The following TNFRSF9 variants were observed in gnomAD, a reference collection of about 807,000 sequenced individuals.
TNFRSF9 encodes the protein tumor necrosis factor receptor superfamily member 9.
TNFRSF9 carries 16 observed loss-of-function variants against 28.8 expected under a neutral mutation model. The observed-to-expected ratio is 0.55, with a 90% confidence interval of 0.38 to 0.84. The LOEUF is 0.84. Ranked by LOEUF, TNFRSF9 falls within the 40% of genes least tolerant of loss-of-function variation. TNFRSF9 has a pLI of 0.00. For synonymous variants in TNFRSF9, 131 were observed against 117.0 expected (o/e 1.12, Z -0.77); for missense variants, 303 against 315.0 (o/e 0.96, Z 0.29).
Position 7,938,765 on chromosome 1 carries a change from CT to C in TNFRSF9, c.163del (p.Ser55AlafsTer58). 1 of 1,613,762 alleles carries C rather than the reference CT, an allele frequency of 6.2e-7. No homozygotes were observed. ...GTCACAGGTCCTTTGTCCACCTGCG[CT>C]GGAGAAACTATTTGGAGGACAGGGA... Reference protein sequence around the residue: ...CSPCPPNSFSSAGGQRTCDIC... With the variant: ...CSPCPPNSFSXAGGQRTCDIC... On this transcript the variant is annotated frameshift_variant, in exon 3 of 8. Transcript: ENST00000377507. LOFTEE classifies it high-confidence loss of function.
intron 7 of TNFRSF9, among the ~76,000 whole-genome samples, chr1:7,930,632 G>T (rs1030551023): frequency 6.6e-6 from 1 of 152,106 alleles, no homozygotes; most frequent in African/African-American, 2.4e-5. Context: ...AGCTGAGTGT[G>T]GTGGTATGCA....
At chr1:7,927,299 G>A (rs1485102022) in intron 7 of TNFRSF9, among the ~76,000 whole-genome samples, 2 of 152,154 alleles carry the variant, frequency 1.3e-5, no homozygotes, top group African/African-American at 4.8e-5. Context: ...AGTCTCACAA[G>A]CCTGCTGTGA....
chr1:7,932,720 C>G (rs544910907), intron 7 of TNFRSF9, among the ~76,000 whole-genome samples: 1 of 145,630 alleles, frequency 6.9e-6, no homozygotes, highest in Non-Finnish European at 1.5e-5. Flanking sequence ...CACACAGACA[C>G]GCACACACAC....
At chr1:7,928,712 C>A (rs1416771488) in intron 7 of TNFRSF9, among the ~76,000 whole-genome samples, 1 of 151,664 alleles carries the variant, frequency 6.6e-6, no homozygotes, top group Non-Finnish European at 1.5e-5. Context: ...GCCAACGTGG[C>A]AAAACCCCGT....
chr1:7,920,642 C>A lies in TNFRSF9; in HGVS notation c.*193G>T, dbSNP rs61772674. The A allele has an allele frequency of 1.3e-5, 7 of 520,244 alleles. No individual in the cohort carries two copies. The highest frequency in any genetic ancestry group is 6.6e-5 in the South Asian group (3 of 45,468). The allele number at this position is 520,244 out of a possible 1,614,324, so 32.2% of individuals were successfully genotyped here. A position where few individuals can be genotyped will look rare whatever the true frequency, so the allele number is the denominator to read the frequency against. On this transcript the variant is annotated 3_prime_UTR_variant, in exon 8 of 8. Coordinates refer to ENST00000377507, the MANE Select transcript of TNFRSF9 (RefSeq NM_001561.6). Reference sequence around the variant, plus strand: ...CTCCAGCCTGGGTGACAGAGTGAGACCCTGTCAAAAAAAAAAAAAAAGTGG... The same window carrying A: ...CTCCAGCCTGGGTGACAGAGTGAGAACCTGTCAAAAAAAAAAAAAAAGTGG...
At chr1:7,933,881 G>A (rs189482924) in intron 6 of TNFRSF9, among the ~76,000 whole-genome samples, 4 of 151,926 alleles carry the variant, frequency 2.6e-5, no homozygotes, top group Admixed American at 6.6e-5. Context: ...GCTGGGTGCC[G>A]TGGTGGGCGC....
At chr1:7,933,336 T>C in intron 6 of TNFRSF9, 40 bp from the exon 7 acceptor site, 15 of 1,599,518 alleles carry the variant, frequency 9.4e-6, no homozygotes, top group Non-Finnish European at 1.3e-5. Flanking sequence ...TGCAGAAATG[T>C]GTTGACACTC....
chr1:7,931,773 C>T (rs1290376113), intron 7 of TNFRSF9, among the ~76,000 whole-genome samples: 1 of 152,214 alleles, frequency 6.6e-6, no homozygotes, highest in Non-Finnish European at 1.5e-5. Context: ...ATGCATTTTT[C>T]TGTATAGGTC....
intron 7 of TNFRSF9, among the ~76,000 whole-genome samples, chr1:7,927,324 G>A (rs949316758): frequency 3.3e-5 from 5 of 152,216 alleles, no homozygotes; most frequent in Non-Finnish European, 4.4e-5. Flanking sequence ...AACACCAAAC[G>A]GCTAACTGAC....
intron 7 of TNFRSF9, among the ~76,000 whole-genome samples, chr1:7,926,994 C>A (rs931490875): frequency 4.6e-5 from 7 of 151,760 alleles, no homozygotes; most frequent in African/African-American, 1.7e-4. Context: ...GAGGCCAAGG[C>A]AGGAGGATTG....
rs1191025979 is a variant in TNFRSF9 at position 7,920,653 on chromosome 1, A to C, written c.*182T>G. 3.6e-6 allele frequency: 2 copies of C among 558,146 alleles called. No homozygotes were observed. The highest frequency in any genetic ancestry group is 6.4e-6 in the Non-Finnish European group (2 of 312,452). The allele number at this position is 558,146 out of a possible 1,614,324, so 34.6% of individuals were successfully genotyped here. On this transcript the variant is annotated 3_prime_UTR_variant, in exon 8 of 8. Transcript: ENST00000377507. ...GTGACAGAGTGAGACCCTGTCAAAAAAAAAAAAAAAGTGGTGCATTTTTAA... is the reference window on the plus strand; with the variant it reads ...GTGACAGAGTGAGACCCTGTCAAAACAAAAAAAAAAGTGGTGCATTTTTAA...
At chr1:7,934,893 T>G in intron 6 of TNFRSF9, 120 bp downstream of exon 6, 1 of 1,332,808 alleles carries the variant, frequency 7.5e-7, no homozygotes, top group South Asian at 1.4e-5. Flanking sequence ...GAGGGCAGGA[T>G]TCAGGAAGAA....
Position 7,920,087 on chromosome 1 carries a change from C to T in TNFRSF9, c.*748G>A, listed in dbSNP as rs891946736. 5 of 152,156 alleles carry T rather than the reference C, an allele frequency of 3.3e-5. No homozygotes were observed. The highest frequency in any genetic ancestry group is 5.9e-5 in the Non-Finnish European group (4 of 68,012). 9.4% of individuals were successfully genotyped at this position (152,156 alleles called of 1,614,324 possible). The stretch of plus-strand genomic sequence containing the variant: ...ACTCCCCCCTGACGGTGGAGCATGT[C>T]GTGTTACATGACAGAACCCACGGAA... On this transcript the variant is annotated 3_prime_UTR_variant, in exon 8 of 8. Transcript: ENST00000377507.
intron 5 of TNFRSF9, among the ~76,000 whole-genome samples, 160 bp from the exon 6 acceptor site, chr1:7,935,303 T>G (rs770060536): frequency 5.3e-5 from 8 of 152,236 alleles, no homozygotes; most frequent in Non-Finnish European, 1.2e-4. Context: ...AACTTCCACT[T>G]GACCATCTGG....
At chr1:7,928,313 T>C (rs560938957) in intron 7 of TNFRSF9, among the ~76,000 whole-genome samples, 1 of 152,332 alleles carries the variant, frequency 6.6e-6, no homozygotes, top group African/African-American at 2.4e-5. Context: ...GATACAAAAA[T>C]ACATGTCCAC....
intron 7 of TNFRSF9, among the ~76,000 whole-genome samples, chr1:7,922,427 C>T (rs1202689371): frequency 6.6e-6 from 1 of 152,140 alleles, no homozygotes; most frequent in African/African-American, 2.4e-5. Context: ...AACAACATGG[C>T]AATGGGTTTC....
At chr1:7,932,484 T>A (rs1639745753) in intron 7 of TNFRSF9, among the ~76,000 whole-genome samples, 1 of 152,258 alleles carries the variant, frequency 6.6e-6, no homozygotes, top group Non-Finnish European at 1.5e-5. Flanking sequence ...AAATTTTTCA[T>A]GTAATCCATA....
chr1:7,936,100 G>A (rs1229474250), intron 5 of TNFRSF9, among the ~76,000 whole-genome samples: 2 of 152,070 alleles, frequency 1.3e-5, no homozygotes, highest in African/African-American at 4.8e-5. Context: ...TGAAAAATTT[G>A]TATTGAAAGA....
rs1032041542 is a variant in TNFRSF9 at position 7,920,666 on chromosome 1, G to A, written c.*169C>T. The A allele has an allele frequency of 7.1e-6, 4 of 559,492 alleles. No homozygotes were observed. The highest frequency in any genetic ancestry group is 5.8e-5 in the African/African-American group (3 of 52,072). The allele number at this position is 559,492 out of a possible 1,614,324, so 34.7% of individuals were successfully genotyped here. ...ACCCTGTCAAAAAAAAAAAAAAAGT[G>A]GTGCATTTTTAAAGGCCAACTCATT... On this transcript the variant is annotated 3_prime_UTR_variant, in exon 8 of 8. Coordinates refer to ENST00000377507, the MANE Select transcript of TNFRSF9 (RefSeq NM_001561.6).
Sources: allele counts gnomAD v4.1 joint callset (sites outside exome capture counted in the v4.1 genomes callset), GRCh38; gene constraint gnomAD v4.1.1; transcripts MANE v1.5; gene names NCBI Gene and HGNC (gene_info 2026-07-23, HGNC 2026-07-21).